Variants in GRIK2 observed in about 807,000 individuals in gnomAD.
GRIK2 encodes glutamate ionotropic receptor kainate type subunit 2, also known as glutamate receptor ionotropic, kainate 2.
Under a neutral mutation model 100.3 loss-of-function variants are expected in GRIK2, and 32 were observed. That is an observed-to-expected ratio of 0.32 (90% confidence interval 0.24 to 0.43). GRIK2 has a LOEUF of 0.43. GRIK2 is among the 20% of genes least tolerant of loss of function. GRIK2 has a pLI of 1.00. For missense variants in GRIK2, 843 were observed against 1,114.9 expected (o/e 0.76, Z 3.47); for synonymous variants, 417 against 389.4 (o/e 1.07, Z -0.83).
intron 4 of GRIK2, among the ~76,000 whole-genome samples, chr6:101,637,706 T>A (rs1210579761): frequency 3.3e-5 from 5 of 152,256 alleles, no homozygotes; most frequent in South Asian, 2.1e-4. Context: ...AAAAACGAAT[T>A]GTTCCTCGGC....
chr6:101,991,650 A>G (rs1444416806), intron 14 of GRIK2, among the ~76,000 whole-genome samples: 2 of 151,596 alleles, frequency 1.3e-5, no homozygotes, highest in Non-Finnish European at 3.0e-5. Context: ...TCAATGCCTA[A>G]TCTATTATCT....
At chr6:101,767,401 CT>C (rs1778104699) in intron 7 of GRIK2, among the ~76,000 whole-genome samples, 1 of 151,960 alleles carries the variant, frequency 6.6e-6, no homozygotes, top group African/African-American at 2.4e-5. Flanking sequence ...ATCTCTCTTT[CT>C]TTCTTTATGT....
Position 101,820,447 on chromosome 6 carries a change from T to C in GRIK2, c.1317+1964T>C, listed in dbSNP as rs149920579. Among the ~76,000 whole-genome samples the C allele has an allele frequency of 4.4e-3, 669 of 151,060 alleles. 3 individuals carry two copies. Among genetic ancestry groups the C allele is most frequent in the Non-Finnish European group, 7.0e-3 (472 of 67,754 alleles). On this transcript the variant is annotated intron_variant, in intron 10 of 16. Coordinates refer to ENST00000369134, the MANE Select transcript of GRIK2 (RefSeq NM_021956.5). Reference sequence around the variant, plus strand: ...CAAATCTTCGCTCAATTCTTCTTCTTCTCCTCCTCCTTCTTCTTCGATGGA... The same window carrying C: ...CAAATCTTCGCTCAATTCTTCTTCTCCTCCTCCTCCTTCTTCTTCGATGGA...
At chr6:101,829,348 C>A (rs1440885092) in intron 10 of GRIK2, among the ~76,000 whole-genome samples, 1 of 151,948 alleles carries the variant, frequency 6.6e-6, no homozygotes, top group Non-Finnish European at 1.5e-5. Context: ...ACAAGGATAT[C>A]CACTCTCACC....
At chr6:101,829,684 TA>T (rs1299703555) in intron 10 of GRIK2, among the ~76,000 whole-genome samples, 2 of 151,492 alleles carry the variant, frequency 1.3e-5, no homozygotes, top group Non-Finnish European at 3.0e-5. Context: ...TACACCTAAT[TA>T]AAAAATGCGA....
intron 14 of GRIK2, among the ~76,000 whole-genome samples, chr6:101,949,306 A>G (rs1791469893): frequency 6.6e-6 from 1 of 151,952 alleles, no homozygotes; most frequent in Non-Finnish European, 1.5e-5. Flanking sequence ...ATAGAAATTT[A>G]TCAAATTCTT....
At position 102,068,668 on chromosome 6, in the gene GRIK2, CA is replaced by C. The variant is rs1459948403; in HGVS notation, c.*159del. 4 of 618,604 alleles carry C rather than the reference CA, an allele frequency of 6.5e-6. No individual in the cohort carries two copies. The highest frequency in any genetic ancestry group is 1.1e-5 in the Non-Finnish European group (4 of 356,904). 38.3% of individuals were successfully genotyped at this position (618,604 alleles called of 1,614,324 possible). A position where few individuals can be genotyped will look rare whatever the true frequency, so the allele number is the denominator to read the frequency against. ...AGAGACTCTGTGATCTAAGCAGTTG[CA>C]ATGATCAGACTTGATTTACAAGCAT... On this transcript the variant is annotated 3_prime_UTR_variant, in exon 17 of 17. Transcript: ENST00000369134.
At chr6:101,611,438 T>C (rs1427565742) in intron 2 of GRIK2, among the ~76,000 whole-genome samples, 1 of 151,862 alleles carries the variant, frequency 6.6e-6, no homozygotes, top group Non-Finnish European at 1.5e-5. Context: ...GTGCTAGAAC[T>C]TCGAAAATTC....
chr6:101,529,761 G>T (rs968134897), intron 2 of GRIK2, among the ~76,000 whole-genome samples: 1 of 152,076 alleles, frequency 6.6e-6, no homozygotes, highest in East Asian at 1.9e-4. Flanking sequence ...CAGAGGCCTG[G>T]ACAAAGTCCT....
chr6:101,768,828 T>A (rs1778209494), intron 7 of GRIK2, among the ~76,000 whole-genome samples: 1 of 152,190 alleles, frequency 6.6e-6, no homozygotes, highest in African/African-American at 2.4e-5. Flanking sequence ...TATCATGAGA[T>A]TGTTAAAGAA....
intron 4 of GRIK2, among the ~76,000 whole-genome samples, chr6:101,665,132 A>G (rs1050969721): frequency 6.6e-6 from 1 of 152,188 alleles, no homozygotes; most frequent in Admixed American, 6.6e-5. Context: ...AGCCCTGGCT[A>G]TGACCAGGTA....
chr6:101,743,837 G>T (rs1399212576), intron 7 of GRIK2, among the ~76,000 whole-genome samples: 3 of 152,070 alleles, frequency 2.0e-5, no homozygotes, highest in Non-Finnish European at 4.4e-5. Flanking sequence ...ACGTTAATAG[G>T]TTTTTTGGGA....
chr6:101,769,875 T>G (rs1219172356), intron 7 of GRIK2, among the ~76,000 whole-genome samples: 1 of 152,184 alleles, frequency 6.6e-6, no homozygotes, highest in Non-Finnish European at 1.5e-5. Context: ...GATTATATAA[T>G]TCTTCTGAAA....
rs1315524835 is a variant in GRIK2, at chr6:102,006,390, A to ATATATATTTTTTTT, written c.2086-28950_2086-28949insATATATTTTTTTTT. On this transcript the variant is annotated intron_variant, in intron 14 of 16. Transcript: ENST00000369134. ...CTTTTATATATATATATATATATATATTTTTTTTTTTTTTGAGACATACAG... is the reference window on the plus strand; with the variant it reads ...CTTTTATATATATATATATATATATATATATATTTTTTTTTTTTTTTTTTTTTTGAGACATACAG... Among the ~76,000 whole-genome samples, 487 of 113,998 alleles carry ATATATATTTTTTTT rather than the reference A, an allele frequency of 4.3e-3. 9 individuals carry two copies. The highest frequency in any genetic ancestry group is 0.021 in the African/African-American group (460 of 21,822). The allele number at this position is 113,998 out of a possible 152,430, so 74.8% of individuals were successfully genotyped here.
chr6:101,992,969 A>G (rs1404529214), intron 14 of GRIK2, among the ~76,000 whole-genome samples: 1 of 151,602 alleles, frequency 6.6e-6, no homozygotes, highest in Non-Finnish European at 1.5e-5. Context: ...GTGCACATAT[A>G]ATTGTAAAGA....
chr6:101,498,804 C>T (rs1189137669), intron 2 of GRIK2, among the ~76,000 whole-genome samples: 1 of 152,062 alleles, frequency 6.6e-6, no homozygotes, highest in African/African-American at 2.4e-5. Flanking sequence ...AAAATTGTCT[C>T]CCATTTTGTA....
intron 7 of GRIK2, among the ~76,000 whole-genome samples, chr6:101,749,722 A>T (rs1361436219): frequency 6.6e-6 from 1 of 151,884 alleles, no homozygotes; most frequent in East Asian, 1.9e-4. Context: ...AATATTTCTA[A>T]CTTCTTGGTT....
At chr6:101,491,152 T>G (rs1280850490) in intron 2 of GRIK2, among the ~76,000 whole-genome samples, 1 of 151,666 alleles carries the variant, frequency 6.6e-6, no homozygotes, top group Non-Finnish European at 1.5e-5. Flanking sequence ...TCCATAAAGC[T>G]GTAACCTCAA....
intron 2 of GRIK2, among the ~76,000 whole-genome samples, chr6:101,603,867 C>G (rs946931434): frequency 6.6e-6 from 1 of 151,656 alleles, no homozygotes; most frequent in African/African-American, 2.4e-5. Flanking sequence ...TTGTTCATAA[C>G]TACTTTTATA....
Sources: gnomAD v4.1 joint callset for allele counts (sites outside exome capture counted in the v4.1 genomes callset) on GRCh38, gnomAD v4.1.1 for gene constraint, MANE v1.5 for transcripts, NCBI Gene and HGNC (gene_info 2026-07-23, HGNC 2026-07-21) for gene names.